Variants in MRPL48 observed in about 807,000 individuals in gnomAD.
MRPL48 encodes the protein mitochondrial ribosomal protein L48.
In MRPL48, 16 loss-of-function variants were observed where a neutral mutation model predicts 32.9. The observed-to-expected ratio is 0.49, with a 90% CI of 0.33 to 0.74. The LOEUF (loss-of-function observed/expected upper bound fraction) is 0.74, where lower values mean the gene tolerates loss of function less well. MRPL48 is among the 30% of genes least tolerant of loss of function. The pLI is 0.02. For missense variants in MRPL48, 206 were observed against 245.3 expected (o/e 0.84, Z 1.07); for synonymous variants, 94 against 89.2 (o/e 1.05, Z -0.31).
In MRPL48 at chr11:73,793,180, C is replaced by T. The variant is rs111434259; in HGVS notation, c.21+5188C>T. Among the ~76,000 whole-genome samples, 577 of 152,296 alleles carry T rather than the reference C, an allele frequency of 3.8e-3. 4 individuals carry two copies. The highest frequency in any genetic ancestry group is 0.013 in the African/African-American group (548 of 41,556). ...TCCTGGGTTCAAGTGATTCTCCTGC[C>T]TCAGCCTTCTAAGTAGCTGGGATAA... is the stretch of plus-strand genomic sequence containing the variant. On this transcript the variant is annotated intron_variant, in intron 1 of 7. Coordinates refer to ENST00000310614, the MANE Select transcript of MRPL48 (RefSeq NM_016055.6).
intron 5 of MRPL48, among the ~76,000 whole-genome samples, chr11:73,854,961 T>C (rs1293508345): frequency 6.6e-6 from 1 of 152,184 alleles, no homozygotes; most frequent in East Asian, 1.9e-4. Flanking sequence ...CCTCTTTGTG[T>C]CTTGGTTTCC....
intron 5 of MRPL48, among the ~76,000 whole-genome samples, chr11:73,851,535 G>A (rs1948389980): frequency 6.6e-6 from 1 of 152,096 alleles, no homozygotes; most frequent in Non-Finnish European, 1.5e-5. Flanking sequence ...TCTTTCTGAT[G>A]CCCCAGAGAG....
intron 3 of MRPL48, chr11:73,823,124 A>G (rs1565415247): frequency 3.1e-6 from 1 of 324,334 alleles, no homozygotes; most frequent in Non-Finnish European, 6.2e-6. Flanking sequence ...AATATAAATA[A>G]CATGCACAAT....
chr11:73,804,887 G>A (rs1452947057), intron 1 of MRPL48, 140 bp from the exon 2 acceptor site: 2 of 632,434 alleles, frequency 3.2e-6, no homozygotes, highest in African/African-American at 3.7e-5. Flanking sequence ...GGTGTTAATT[G>A]TAGGGTAGCT....
At chr11:73,800,810 C>CTTT (rs1223951183) in intron 1 of MRPL48, among the ~76,000 whole-genome samples, 7 of 132,868 alleles carry the variant, frequency 5.3e-5, no homozygotes, top group Non-Finnish European at 9.7e-5. Flanking sequence ...TTTTCTTTTT[C>CTTT]TTTTTTTTTT....
In MRPL48 at chr11:73,857,587, C is replaced by CTTT. The variant is rs56265503; in HGVS notation, c.372-2297_372-2295dup. ...GAGCCACCACGCCTGGCCGCATAGA[C>CTTT]TTTTTTTTTTTTTTTTTTTTTTTTT... On this transcript the variant is annotated intron_variant, in intron 5 of 7. Transcript: ENST00000310614. Among the ~76,000 whole-genome samples the CTTT allele has an allele frequency of 1.9e-3, 167 of 88,658 alleles. 4 individuals carry two copies. The highest frequency in any genetic ancestry group is 0.01 in the Middle Eastern group (1 of 100). The allele number at this position is 88,658 out of a possible 152,430, so 58.2% of individuals were successfully genotyped here. A position where few individuals can be genotyped will look rare whatever the true frequency, so the allele number is the denominator to read the frequency against.
At chr11:73,857,980 T>TG (rs1179024358) in intron 5 of MRPL48, among the ~76,000 whole-genome samples, 2 of 152,198 alleles carry the variant, frequency 1.3e-5, no homozygotes, top group African/African-American at 4.8e-5. Context: ...AATGAAATCT[T>TG]GCTGAAGTAA....
chr11:73,861,580 G>T (rs1948585173), intron 6 of MRPL48, among the ~76,000 whole-genome samples: 2 of 152,036 alleles, frequency 1.3e-5, no homozygotes, highest in East Asian at 1.9e-4. Flanking sequence ...TGTTGGTTAG[G>T]CTGGTCTCAA....
intron 6 of MRPL48, chr11:73,860,212 C>T: frequency 2.1e-6 from 1 of 485,480 alleles, no homozygotes. Flanking sequence ...CAGTGATCAT[C>T]ATTTAATACT....
chr11:73,819,846 C>CAAGA (rs1947741374), intron 3 of MRPL48, among the ~76,000 whole-genome samples: 2 of 152,268 alleles, frequency 1.3e-5, no homozygotes, highest in South Asian at 4.1e-4. Context: ...TTGCAGTGAC[C>CAAGA]AAGATCATGC....
In MRPL48 at chr11:73,817,912, C is replaced by A. The variant is rs768192017; in HGVS notation, c.113-7796C>A. 1.9e-4 allele frequency: 48 copies of A among 253,120 alleles called. 1 individual carries two copies. Among genetic ancestry groups the A allele is most frequent in the Admixed American group, 4.6e-5 (1 of 21,880 alleles). The allele number at this position is 253,120 out of a possible 1,614,324, so 15.7% of individuals were successfully genotyped here. Reference sequence around the variant, plus strand: ...CTCGAACTCCTGGGTTCAAGCAATCCTCCTGCCTCAGCCTCTGGAGTAGCT... The same window carrying A: ...CTCGAACTCCTGGGTTCAAGCAATCATCCTGCCTCAGCCTCTGGAGTAGCT... On this transcript the variant is annotated intron_variant, in intron 3 of 7. Transcript: ENST00000310614.
At position 73,808,573 on chromosome 11, in the gene MRPL48, T is replaced by C. The variant is rs77024525; in HGVS notation, c.112+223T>C. Among the ~76,000 whole-genome samples, 1,288 of 152,342 alleles carry C rather than the reference T, an allele frequency of 8.5e-3. 18 individuals are homozygous for C. The highest frequency in any genetic ancestry group is 0.029 in the African/African-American group (1,197 of 41,584). ...GTTTGGATTCCAACTGTACTACATA[T>C]TTATTTGATCTTTGGCTATTTCTCT... On this transcript the variant is annotated intron_variant, in intron 3 of 7. Transcript: ENST00000310614.
intron 4 of MRPL48, among the ~76,000 whole-genome samples, chr11:73,827,882 A>T (rs955771565): frequency 1.3e-5 from 2 of 152,166 alleles, no homozygotes; most frequent in Non-Finnish European, 2.9e-5. Flanking sequence ...TTGTAGTGGG[A>T]AGTCTACTGA....
intron 4 of MRPL48, among the ~76,000 whole-genome samples, chr11:73,838,095 G>A (rs1386726604): frequency 2.0e-5 from 3 of 152,042 alleles, no homozygotes; most frequent in Non-Finnish European, 2.9e-5. Context: ...CTCATGGTCC[G>A]CCTGCCTCGG....
Position 73,851,918 on chromosome 11 carries a change from T to TACACAC in MRPL48, c.371+6962_371+6967dup, listed in dbSNP as rs35410725. Among the ~76,000 whole-genome samples, 303 of 149,368 alleles carry TACACAC rather than the reference T, an allele frequency of 2.0e-3. 1 individual carries two copies. Among genetic ancestry groups the TACACAC allele is most frequent in the South Asian group, 9.2e-3 (43 of 4,676 alleles). On this transcript the variant is annotated intron_variant, in intron 5 of 7. Coordinates refer to ENST00000310614, the MANE Select transcript of MRPL48 (RefSeq NM_016055.6). ...GGGAACCTCCTAGTTTCAGGGAACG[T>TACACAC]ACACACACACACACACACACACACA...
chr11:73,851,144 CTT>C (rs981991152), intron 5 of MRPL48: 1 of 449,414 alleles, frequency 2.2e-6, no homozygotes, highest in African/African-American at 2.1e-5. Flanking sequence ...GTCCTTATCA[CTT>C]TGAGTAATTC....
chr11:73,808,233 A>G, intron 2 of MRPL48, 80 bp from the exon 3 acceptor site: 1 of 1,351,666 alleles, frequency 7.4e-7, no homozygotes, highest in Non-Finnish European at 1.0e-6. Flanking sequence ...ATCTTTAGTG[A>G]TAGAATATAA....
intron 1 of MRPL48, among the ~76,000 whole-genome samples, chr11:73,801,001 A>G (rs1723833): frequency 0.51 from 77,917 of 151,506 alleles, 21,231 homozygotes; most frequent in African/African-American, 0.71. Context: ...AGTAGAGACG[A>G]GGTTTCTCCA....
intron 6 of MRPL48, among the ~76,000 whole-genome samples, chr11:73,862,294 T>C (rs1948596916): frequency 6.6e-6 from 1 of 152,042 alleles, no homozygotes; most frequent in Admixed American, 6.6e-5. Flanking sequence ...TGGTGGCGCA[T>C]GCCTGTAATC....
Sources: gnomAD v4.1 joint callset for allele counts (sites outside exome capture counted in the v4.1 genomes callset) on GRCh38, gnomAD v4.1.1 for gene constraint, MANE v1.5 for transcripts, NCBI Gene and HGNC (gene_info 2026-07-23, HGNC 2026-07-21) for gene names.